HDAC9: variants seen among roughly 807,000 people sequenced by gnomAD.
The protein encoded by HDAC9 is histone deacetylase 9, also known as MEF-2 interacting transcription repressor (MITR) protein.
In HDAC9, 41 loss-of-function variants were observed where a neutral mutation model predicts 139.4. That is an observed-to-expected ratio of 0.29 (90% CI 0.23 to 0.38). The LOEUF (loss-of-function observed/expected upper bound fraction) is 0.38. Ranked by LOEUF, HDAC9 falls within the 10% of genes least tolerant of loss-of-function variation. The pLI is 1.00. For missense variants in HDAC9, 1,147 were observed against 1,297.0 expected (o/e 0.88, Z 1.78); for synonymous variants, 517 against 476.2 (o/e 1.09, Z -1.12).
intron 13 of HDAC9, among the ~76,000 whole-genome samples, chr7:18,739,600 G>A (rs867799285): frequency 5.9e-5 from 9 of 152,196 alleles, no homozygotes; most frequent in African/African-American, 1.4e-4. Context: ...GAAGGCTGCA[G>A]AACAGCAAAT....
chr7:18,332,769 A>G (rs1232391851), intron 1 of HDAC9, among the ~76,000 whole-genome samples: 1 of 151,592 alleles, frequency 6.6e-6, no homozygotes, highest in African/African-American at 2.4e-5. Context: ...AGAGGATGTA[A>G]TCTTTTTTCA....
intron 22 of HDAC9, among the ~76,000 whole-genome samples, chr7:18,883,913 A>G (rs1799927229): frequency 6.6e-6 from 1 of 152,184 alleles, no homozygotes; most frequent in African/African-American, 2.4e-5. Flanking sequence ...TATCTGAAAA[A>G]TGATGAAGAA....
intron 12 of HDAC9, among the ~76,000 whole-genome samples, chr7:18,674,630 T>A (rs951552571): frequency 6.6e-6 from 1 of 152,044 alleles, no homozygotes; most frequent in African/African-American, 2.4e-5. Flanking sequence ...TGAACTTTAT[T>A]TTAATGGTTT....
intron 11 of HDAC9, among the ~76,000 whole-genome samples, chr7:18,649,080 G>T (rs1788383237): frequency 6.6e-6 from 1 of 152,198 alleles, no homozygotes. Flanking sequence ...AGATTAGCCA[G>T]TAAGGCACTT....
At chr7:18,120,931 A>G (rs1784331265) in intron 1 of HDAC9, among the ~76,000 whole-genome samples, 1 of 152,176 alleles carries the variant, frequency 6.6e-6, no homozygotes, top group Admixed American at 6.5e-5. Context: ...TTACTTCCAC[A>G]CTGGCAGTAA....
chr7:18,277,177 G>T (rs1796784992), intron 2 of HDAC9, among the ~76,000 whole-genome samples: 1 of 137,882 alleles, frequency 7.3e-6, no homozygotes, highest in South Asian at 2.4e-4. Context: ...CCCAAGTTTA[G>T]TGTGAGAAGG....
chr7:18,859,625 A>G (rs537722047), intron 21 of HDAC9, among the ~76,000 whole-genome samples: 13 of 151,670 alleles, frequency 8.6e-5, no homozygotes, highest in African/African-American at 2.7e-4. Context: ...CAAAAATAAT[A>G]CACACTTTTT....
intron 12 of HDAC9, among the ~76,000 whole-genome samples, chr7:18,692,663 C>A (rs1782754054): frequency 6.6e-6 from 1 of 152,072 alleles, no homozygotes; most frequent in Non-Finnish European, 1.5e-5. Context: ...TAATGGAGAT[C>A]TAGTTAGTAT....
chr7:18,355,741 C>T (rs1783209099), intron 1 of HDAC9, among the ~76,000 whole-genome samples: 1 of 152,240 alleles, frequency 6.6e-6, no homozygotes, highest in East Asian at 1.9e-4. Flanking sequence ...ATTTAACCCC[C>T]ATTTCGTGAC....
At chr7:18,110,208 G>A (rs1783516271) in intron 1 of HDAC9, among the ~76,000 whole-genome samples, 1 of 152,194 alleles carries the variant, frequency 6.6e-6, no homozygotes, top group African/African-American at 2.4e-5. Context: ...AGTCATAGAA[G>A]GAGCTCTGAA....
At chr7:18,801,874 A>G (rs1404974357) in intron 17 of HDAC9, among the ~76,000 whole-genome samples, 7 of 152,136 alleles carry the variant, frequency 4.6e-5, no homozygotes, top group African/African-American at 7.2e-5. Context: ...CGTTCATAAT[A>G]TCCTCTTTTA....
At chr7:18,270,766 G>A (rs1051927018) in intron 2 of HDAC9, among the ~76,000 whole-genome samples, 3 of 152,042 alleles carry the variant, frequency 2.0e-5, no homozygotes, top group Admixed American at 1.3e-4. Context: ...TTGAGAAGAT[G>A]CCTTCTTTTT....
chr7:18,485,436 A>G (rs1586225533), intron 1 of HDAC9, among the ~76,000 whole-genome samples: 2 of 150,224 alleles, frequency 1.3e-5, no homozygotes, highest in Middle Eastern at 3.5e-3. Flanking sequence ...AACTTTTCAT[A>G]TTTAATTTAT....
intron 1 of HDAC9, among the ~76,000 whole-genome samples, chr7:18,426,231 T>TA (rs1790101109): frequency 1.3e-5 from 2 of 152,214 alleles, no homozygotes; most frequent in Admixed American, 1.3e-4. Context: ...TTATGTTTAT[T>TA]ATTTTTTGTT....
chr7:18,334,890 A>C (rs17139055), intron 1 of HDAC9, among the ~76,000 whole-genome samples: 13,138 of 151,472 alleles, frequency 0.087, 1,119 homozygotes, highest in African/African-American at 0.23. Flanking sequence ...GGCTGAGTAC[A>C]TAATGGTAGG....
At chr7:18,492,962 T>C (rs1002087840), upstream of HDAC9, among the ~76,000 whole-genome samples, 5 of 151,916 alleles carry the variant, frequency 3.3e-5, no homozygotes, top group African/African-American at 9.7e-5. Context: ...AAAGAGAAGA[T>C]GGCTGATGGA....
chr7:18,663,698 G>T (rs113974978), intron 11 of HDAC9, among the ~76,000 whole-genome samples: 2 of 152,202 alleles, frequency 1.3e-5, no homozygotes, highest in Non-Finnish European at 2.9e-5. Flanking sequence ...TAACTTTTCA[G>T]CTGTGCTGTG....
At chr7:18,721,684 C>G (rs1192509636) in intron 12 of HDAC9, among the ~76,000 whole-genome samples, 1 of 151,902 alleles carries the variant, frequency 6.6e-6, no homozygotes, top group African/African-American at 2.4e-5. Context: ...AAGTGAAAAC[C>G]CAGAAGCTAT....
intron 22 of HDAC9, chr7:18,892,183 T>C (rs1169099814): frequency 6.6e-6 from 1 of 152,170 alleles, no homozygotes; most frequent in Non-Finnish European, 1.5e-5. Context: ...ATTTGAAGAA[T>C]TGATGTCTTC....
Sources: allele counts gnomAD v4.1 joint callset (sites outside exome capture counted in the v4.1 genomes callset), GRCh38; gene constraint gnomAD v4.1.1; transcripts MANE v1.5; gene names NCBI Gene and HGNC (gene_info 2026-07-23, HGNC 2026-07-21).